Variants in EHMT1 observed in about 807,000 individuals in gnomAD.
The protein encoded by EHMT1 is euchromatic histone lysine methyltransferase 1.
A neutral mutation model predicts 147.2 loss-of-function variants in EHMT1; 15 were observed. That is an observed-to-expected ratio of 0.10 (90% confidence interval 0.07 to 0.16). The LOEUF is 0.16. Ranked by LOEUF, EHMT1 falls within the 10% of genes least tolerant of loss-of-function variation. The pLI, the probability that EHMT1 is intolerant of heterozygous loss-of-function variation, is 1.00. For synonymous variants in EHMT1, 795 were observed against 709.6 expected, an observed-to-expected ratio of 1.12 and a Z score of -1.91; for missense variants, 1,587 against 1,772.4, an observed-to-expected ratio of 0.90 and a Z score of 1.88.
intron 1 of EHMT1, among the ~76,000 whole-genome samples, chr9:137,695,293 G>A (rs1434932648): frequency 6.6e-6 from 1 of 152,218 alleles, no homozygotes; most frequent in Non-Finnish European, 1.5e-5. Context: ...AGGCCTTGGT[G>A]GCAGGTGAGC....
chr9:137,791,473 T>C (rs1952520471), intron 16 of EHMT1, among the ~76,000 whole-genome samples: 1 of 152,192 alleles, frequency 6.6e-6, no homozygotes, highest in Admixed American at 6.5e-5. Flanking sequence ...GAATGAAGTA[T>C]TCAAAAAAGA....
intron 1 of EHMT1, among the ~76,000 whole-genome samples, chr9:137,632,518 C>A (rs1362827491): frequency 6.6e-6 from 1 of 152,228 alleles, no homozygotes; most frequent in African/African-American, 2.4e-5. Context: ...GTCCTCCCGC[C>A]TCAGCCTCCC....
chr9:137,681,464 C>T (rs1427962839), intron 1 of EHMT1, among the ~76,000 whole-genome samples: 2 of 152,148 alleles, frequency 1.3e-5, no homozygotes, highest in Non-Finnish European at 2.9e-5. Flanking sequence ...GATACAAAAA[C>T]AGTACAAAAC....
chr9:137,627,620 C>A (rs1185193739), intron 1 of EHMT1, among the ~76,000 whole-genome samples: 1 of 152,134 alleles, frequency 6.6e-6, no homozygotes, highest in Non-Finnish European at 1.5e-5. Flanking sequence ...CCGCCGCGCC[C>A]GGCCCTTTTG....
intron 9 of EHMT1, among the ~76,000 whole-genome samples, chr9:137,761,757 A>C (rs1205576892): frequency 6.6e-6 from 1 of 152,326 alleles, no homozygotes; most frequent in East Asian, 1.9e-4. Flanking sequence ...GCGCCCAGCC[A>C]AGAGTTAATT....
chr9:137,777,670 A>G (rs1362303258), intron 12 of EHMT1, among the ~76,000 whole-genome samples: 1 of 152,152 alleles, frequency 6.6e-6, no homozygotes, highest in Non-Finnish European at 1.5e-5. Flanking sequence ...ATGAGAGTGT[A>G]TTTGAACACG....
intron 1 of EHMT1, among the ~76,000 whole-genome samples, chr9:137,620,607 G>A (rs1432152876): frequency 6.6e-6 from 1 of 152,064 alleles, no homozygotes; most frequent in African/African-American, 2.4e-5. Context: ...TGCCCAGGCT[G>A]GTCTTGAACT....
At chr9:137,659,535 AT>A (rs1454347575) in intron 1 of EHMT1, among the ~76,000 whole-genome samples, 1 of 151,402 alleles carries the variant, frequency 6.6e-6, no homozygotes, top group Non-Finnish European at 1.5e-5. Flanking sequence ...GTGTGCCGCC[AT>A]GCCTGGGTCC....
chr9:137,706,013 C>A (rs1278633754), intron 1 of EHMT1, among the ~76,000 whole-genome samples: 3 of 149,780 alleles, frequency 2.0e-5, no homozygotes, highest in Non-Finnish European at 4.4e-5. Flanking sequence ...CTGGACCCTT[C>A]ACTTCTGCCT....
At chr9:137,804,679 C>T (rs989997262) in intron 18 of EHMT1, among the ~76,000 whole-genome samples, 11 of 152,168 alleles carry the variant, frequency 7.2e-5, no homozygotes, top group African/African-American at 2.2e-4. Flanking sequence ...TATTCTCCCA[C>T]ATTTTCTTAT....
At chr9:137,634,258 TG>T in intron 1 of EHMT1, among the ~76,000 whole-genome samples, 1 of 152,314 alleles carries the variant, frequency 6.6e-6, no homozygotes, top group Non-Finnish European at 1.5e-5. Flanking sequence ...TATGTTTCCT[TG>T]GAAAATTTGC....
intron 6 of EHMT1, among the ~76,000 whole-genome samples, chr9:137,752,018 G>A (rs1017397533): frequency 2.0e-5 from 3 of 152,228 alleles, no homozygotes; most frequent in Non-Finnish European, 4.4e-5. Context: ...CACTGATACA[G>A]CACCCAGCGG....
At chr9:137,834,006 C>T (rs1171197103) in intron 25 of EHMT1, 1 of 366,854 alleles carries the variant, frequency 2.7e-6, no homozygotes. Context: ...CCTATTGGTG[C>T]CAGACAGCCC....
At chr9:137,812,195 G>A (rs536471995) in intron 19 of EHMT1, among the ~76,000 whole-genome samples, 10 of 152,150 alleles carry the variant, frequency 6.6e-5, no homozygotes, top group Non-Finnish European at 1.2e-4. Flanking sequence ...AAAATTAGCC[G>A]GCCATGGTGG....
intron 9 of EHMT1, among the ~76,000 whole-genome samples, chr9:137,760,176 G>T (rs1446811581): frequency 6.6e-6 from 1 of 152,142 alleles, no homozygotes; most frequent in Non-Finnish European, 1.5e-5. Context: ...ATTGCTTGAG[G>T]CTTGCTTCAG....
At chr9:137,682,938 C>T (rs987396978) in intron 1 of EHMT1, among the ~76,000 whole-genome samples, 9 of 152,212 alleles carry the variant, frequency 5.9e-5, no homozygotes, top group Non-Finnish European at 1.0e-4. Context: ...AGTGCCCACA[C>T]GCTGCACCAG....
intron 14 of EHMT1, among the ~76,000 whole-genome samples, chr9:137,780,538 G>A (rs1315212486): frequency 1.6e-4 from 23 of 140,246 alleles, no homozygotes; most frequent in Admixed American, 2.8e-4. Flanking sequence ...TGGTGATGAC[G>A]CTGAGATGTG....
chr9:137,706,997 A>G (rs577228904), intron 1 of EHMT1, among the ~76,000 whole-genome samples: 3 of 136,660 alleles, frequency 2.2e-5, no homozygotes, highest in Admixed American at 7.3e-5. Flanking sequence ...GCTAATTTTT[A>G]TATTTTTAGT....
intron 1 of EHMT1, among the ~76,000 whole-genome samples, chr9:137,626,029 A>ATTTTTTT (rs768825527): frequency 9.0e-6 from 1 of 111,560 alleles, no homozygotes; most frequent in Non-Finnish European, 1.9e-5. Flanking sequence ...CTAATTTTGT[A>ATTTTTTT]TTTTTTTTTT....
Sources: gnomAD v4.1 joint callset for allele counts (sites outside exome capture counted in the v4.1 genomes callset) on GRCh38, gnomAD v4.1.1 for gene constraint, MANE v1.5 for transcripts, NCBI Gene and HGNC (gene_info 2026-07-23, HGNC 2026-07-21) for gene names.